The following NRG4 variants were observed in gnomAD, a reference collection of about 807,000 sequenced individuals.
NRG4 encodes the protein pro-neuregulin-4, membrane-bound isoform.
A neutral mutation model predicts 15.0 loss-of-function variants in NRG4; 10 were observed. The ratio of observed to expected loss-of-function variants is 0.67; its 90% CI spans 0.41 to 1.13. NRG4 has a LOEUF of 1.13. NRG4 is among the 50% of genes most tolerant of loss of function. NRG4 has a pLI of 0.00. For missense variants in NRG4, 139 were observed against 140.2 expected (o/e 0.99, Z 0.04); for synonymous variants, 41 against 50.1 (o/e 0.82, Z 0.77).
chr15:76,020,846 G>A (rs2035128931), intron 5 of NRG4, among the ~76,000 whole-genome samples: 1 of 152,172 alleles, frequency 6.6e-6, no homozygotes, highest in African/African-American at 2.4e-5. Flanking sequence ...GAGGTTTAAG[G>A]AAAGAAACCA....
At chr15:75,967,396 CATT>C (rs1448955244) in intron 3 of NRG4, among the ~76,000 whole-genome samples, 1 of 150,248 alleles carries the variant, frequency 6.7e-6, no homozygotes, top group East Asian at 2.0e-4. Context: ...AAAAACTGAT[CATT>C]ATTAGTACAT....
chr15:75,977,610 C>T lies in NRG4; in HGVS notation c.105-15636G>A, dbSNP rs1303426760. On this transcript the variant is annotated intron_variant, in intron 3 of 5. Coordinates refer to ENST00000394907, the MANE Select transcript of NRG4 (RefSeq NM_138573.4). This position sits in a 1 kb window ranked among gnomAD's most constrained non-coding sequence, Gnocchi z 4.9. ...GTGCTTCCTGGGTGAGGTGACACCC[C>T]ACCCTGCTTCGGCTCACCCTCTGTG... Among the ~76,000 whole-genome samples the T allele has an allele frequency of 6.6e-6, 1 of 152,190 alleles. No individual in the cohort carries two copies. The highest frequency in any genetic ancestry group is 1.5e-5 in the Non-Finnish European group (1 of 68,030).
At chr15:76,020,994 G>A (rs999097877) in intron 5 of NRG4, among the ~76,000 whole-genome samples, 5 of 152,220 alleles carry the variant, frequency 3.3e-5, no homozygotes, top group African/African-American at 9.6e-5. Context: ...CCTTCTAGTA[G>A]AAGATACCAT....
chr15:75,949,185 G>A (rs1164294806), intron 5 of NRG4, among the ~76,000 whole-genome samples: 1 of 152,162 alleles, frequency 6.6e-6, no homozygotes, highest in East Asian at 1.9e-4. Flanking sequence ...GCCAAGGCAG[G>A]TGGATCACAT....
intron 1 of NRG4, among the ~76,000 whole-genome samples, chr15:76,059,111 T>A (rs896001963): frequency 1.3e-5 from 2 of 152,280 alleles, no homozygotes; most frequent in South Asian, 4.1e-4. Context: ...CGACAGTGTA[T>A]CTGCGGTACT....
chr15:75,961,402 T>C (rs2032514855), intron 4 of NRG4, among the ~76,000 whole-genome samples: 1 of 152,208 alleles, frequency 6.6e-6, no homozygotes, highest in African/African-American at 2.4e-5. Flanking sequence ...TTCACTATTG[T>C]ATTCTTTATG....
chr15:75,990,214 T>G lies in NRG4; in HGVS notation c.104+18986A>C, dbSNP rs181761232. ...TCTGACAAGATAATCAAAAGGGATC[T>G]CTGTGCAGATTTCTGGAACTCTTTC... On this transcript the variant is annotated intron_variant, in intron 3 of 5. Coordinates refer to ENST00000394907, the MANE Select transcript of NRG4 (RefSeq NM_138573.4). 5.9e-5 allele frequency among the ~76,000 whole-genome samples: 9 copies of G among 152,282 alleles called. No homozygotes were observed. The East Asian group carries it at 1.7e-3, about 29-fold the overall frequency.
At chr15:76,017,909 C>T (rs931292761) in intron 5 of NRG4, among the ~76,000 whole-genome samples, 1 of 152,100 alleles carries the variant, frequency 6.6e-6, no homozygotes, top group Non-Finnish European at 1.5e-5. Context: ...TGGATAATAT[C>T]CTGAAGAGTG....
chr15:75,988,163 G>A (rs999165851), intron 3 of NRG4, among the ~76,000 whole-genome samples: 4 of 152,278 alleles, frequency 2.6e-5, no homozygotes, highest in Non-Finnish European at 1.5e-5. Context: ...GGATGCCGAC[G>A]TCAAAGAGGT....
chr15:76,025,120 G>C (rs2035271596), intron 5 of NRG4, among the ~76,000 whole-genome samples: 1 of 152,144 alleles, frequency 6.6e-6, no homozygotes, highest in Non-Finnish European at 1.5e-5. Flanking sequence ...TACGCTTAAG[G>C]AAACTCAGTG....
chr15:75,955,156 G>T (rs1272955347), intron 5 of NRG4, among the ~76,000 whole-genome samples: 1 of 152,020 alleles, frequency 6.6e-6, no homozygotes, highest in South Asian at 2.1e-4. Context: ...CTGAATACTT[G>T]AACTGAAAAT....
intron 3 of NRG4, among the ~76,000 whole-genome samples, chr15:76,052,644 T>G (rs920462319): frequency 2.0e-5 from 3 of 151,094 alleles, no homozygotes; most frequent in Non-Finnish European, 4.4e-5. Context: ...GTAGTCTTTG[T>G]GGGAAAGAAG....
chr15:75,974,460 G>T (rs1202109332), intron 3 of NRG4, among the ~76,000 whole-genome samples: 2 of 151,254 alleles, frequency 1.3e-5, no homozygotes, highest in Non-Finnish European at 3.0e-5. Flanking sequence ...TGATGTTAGG[G>T]TGTTGATCTT....
Position 76,001,789 on chromosome 15 carries a change from G to A in NRG4, c.104+7411C>T, listed in dbSNP as rs181835195. Reference sequence around the variant, plus strand: ...AGAAATGAGAGAAATATACATCAACGTATTTTTTGGTTTTGATCTTTGAAA... The same window carrying A: ...AGAAATGAGAGAAATATACATCAACATATTTTTTGGTTTTGATCTTTGAAA... On this transcript the variant is annotated intron_variant, in intron 3 of 5. Coordinates refer to ENST00000394907, the MANE Select transcript of NRG4 (RefSeq NM_138573.4). Among the ~76,000 whole-genome samples the A allele has an allele frequency of 1.4e-3, 207 of 152,216 alleles. 1 individual carries two copies. The highest frequency in any genetic ancestry group is 2.6e-3 in the Non-Finnish European group (174 of 68,004).
intron 5 of NRG4, among the ~76,000 whole-genome samples, chr15:75,954,390 T>C (rs1048689275): frequency 6.6e-6 from 1 of 151,224 alleles, no homozygotes. Context: ...ATAATAACTG[T>C]GCTTGCCTGG....
intron 5 of NRG4, among the ~76,000 whole-genome samples, chr15:75,954,685 A>G (rs113132899): frequency 0.019 from 2,857 of 151,956 alleles, 105 homozygotes; most frequent in African/African-American, 0.066. Context: ...TCAGCCTCCC[A>G]AAGTGTTGGG....
chr15:75,983,904 G>C (rs938769431), intron 3 of NRG4, among the ~76,000 whole-genome samples: 5 of 151,760 alleles, frequency 3.3e-5, no homozygotes, highest in Admixed American at 2.6e-4. Flanking sequence ...ATATCTATAG[G>C]AAGAAAGCTT....
downstream of NRG4, chr15:75,940,073 A>G (rs1024737860): frequency 1.3e-4 from 20 of 151,802 alleles, no homozygotes; most frequent in African/African-American, 4.8e-4. Context: ...ATATGTTCAC[A>G]AATGATATGA....
chr15:76,031,838 G>A (rs1020893602), intron 5 of NRG4, among the ~76,000 whole-genome samples: 3 of 152,178 alleles, frequency 2.0e-5, no homozygotes, highest in Non-Finnish European at 2.9e-5. Flanking sequence ...CTGGGTGACC[G>A]AGTGAGACTC....
Sources: gnomAD v4.1 joint callset for allele counts (sites outside exome capture counted in the v4.1 genomes callset) on GRCh38, gnomAD v4.1.1 for gene constraint, Gnocchi (gnomAD v3.1) non-coding constraint, MANE v1.5 for transcripts, NCBI Gene and HGNC (gene_info 2026-07-23, HGNC 2026-07-21) for gene names.